Variants in ZNF568 observed in about 807,000 individuals in gnomAD.
ZNF568 encodes p53 inhibitor of SCO2 activation.
A neutral mutation model predicts 18.1 loss-of-function variants in ZNF568; 11 were observed. The ratio of observed to expected loss-of-function variants is 0.61; its 90% CI spans 0.38 to 1.00. The LOEUF (loss-of-function observed/expected upper bound fraction) is 1.00, where lower values mean the gene tolerates loss of function less well. Ranked by LOEUF, ZNF568 falls within the 50% of genes least tolerant of loss-of-function variation. The probability of loss-of-function intolerance (pLI) is 0.01; values close to 1 mark genes in which losing one functional copy is unlikely to be tolerated. For synonymous variants in ZNF568, 213 were observed against 246.6 expected (o/e 0.86, Z 1.28); for missense variants, 639 against 768.2 (o/e 0.83, Z 1.99).
At chr19:36,938,189 T>G (rs1228554767) in intron 6 of ZNF568, among the ~76,000 whole-genome samples, 1 of 152,214 alleles carries the variant, frequency 6.6e-6, no homozygotes, top group Non-Finnish European at 1.5e-5. Flanking sequence ...GATTTTCATA[T>G]CTACTTCTGT....
rs747610834 is a variant in ZNF568 at position 36,949,833 on chromosome 19, G to A, written c.680G>A (p.Cys227Tyr). The A allele has an allele frequency of 7.4e-6, 12 of 1,613,982 alleles. No individual in the cohort carries two copies. The highest frequency in any genetic ancestry group is 5.0e-5 in the Admixed American group (3 of 60,008). The change falls in exon 7 of 7, where the codon TGT becomes TAT. Residue 227 changes from cysteine (C) to tyrosine (Y), a missense_variant. Physicochemically the swap from Cys to Tyr is radical, Grantham distance 194. Coordinates refer to ENST00000333987, the MANE Select transcript of ZNF568 (RefSeq NM_198539.4). ...YVVTPFKCNQCGQDFSHKFDL... is the reference protein window; with the variant it reads ...YVVTPFKCNQYGQDFSHKFDL... Reference sequence around the variant, plus strand: ...GTAACCCCCTTTAAGTGTAATCAGTGTGGACAAGACTTCAGTCATAAATTT... The same window carrying A: ...GTAACCCCCTTTAAGTGTAATCAGTATGGACAAGACTTCAGTCATAAATTT...
At chr19:36,981,774 T>C (rs918304397), downstream of ZNF568, among the ~76,000 whole-genome samples, 1 of 151,950 alleles carries the variant, frequency 6.6e-6, no homozygotes, top group Admixed American at 6.6e-5. Context: ...CTTGGTAGGC[T>C]GAGGTAGGAG....
intron 4 of ZNF568, among the ~76,000 whole-genome samples, chr19:36,930,434 C>T (rs1319073653): frequency 1.3e-5 from 2 of 152,074 alleles, no homozygotes; most frequent in African/African-American, 2.4e-5. Flanking sequence ...TGGTCTCGAT[C>T]TCCTGACCTC....
In ZNF568 at chr19:36,950,707, T is replaced by C; in HGVS notation, c.1554T>C (p.Thr518=). 1 of 1,613,848 alleles carries C rather than the reference T, an allele frequency of 6.2e-7. No homozygotes were observed. The highest frequency in any genetic ancestry group is 8.5e-7 in the Non-Finnish European group (1 of 1,179,956). Residue 518 remains threonine, a synonymous_variant, in exon 7 of 7, where the codon ACT becomes ACC. Coordinates refer to ENST00000333987, the MANE Select transcript of ZNF568 (RefSeq NM_198539.4). ...GKAFSQKSNL[T]EHEKIHTGEK... The stretch of plus-strand genomic sequence containing the variant: ...CCTTTAGTCAGAAATCAAACCTCAC[T>C]GAACATGAGAAAATTCATACTGGAG...
At chr19:36,990,539 T>C (rs1355640508) in intron 2 of ZNF568, among the ~76,000 whole-genome samples, 1 of 152,168 alleles carries the variant, frequency 6.6e-6, no homozygotes, top group Non-Finnish European at 1.5e-5. Flanking sequence ...CGCTTGAACC[T>C]GGGAGACAGA....
At chr19:36,927,895 ATATATATATTTTTTTTTTTT>A (rs2073603123) in intron 4 of ZNF568, among the ~76,000 whole-genome samples, 16 of 25,754 alleles carry the variant, frequency 6.2e-4, no homozygotes, top group Admixed American at 1.0e-3. Flanking sequence ...TATTATATAT[ATATATATATTTTTTTTTTTT>A]TTTTTTTTTT....
chr19:36,927,882 ATATATTATATATATATATATATTTTTT>A (rs2073593228), intron 4 of ZNF568, among the ~76,000 whole-genome samples: 3 of 52,978 alleles, frequency 5.7e-5, no homozygotes, highest in South Asian at 7.1e-4. Context: ...ATATATATAT[ATATATTATATATATATATATATTTTTT>A]TTTTTTTTTT....
downstream of ZNF568, among the ~76,000 whole-genome samples, chr19:36,954,626 A>G (rs2074093540): frequency 6.6e-6 from 1 of 151,508 alleles, no homozygotes; most frequent in Non-Finnish European, 1.5e-5. Flanking sequence ...CTGCAGAGCA[A>G]TGGCGTGATC....
downstream of ZNF568, chr19:36,997,282 G>A (rs1261514973): frequency 1.2e-6 from 2 of 1,602,396 alleles, no homozygotes; most frequent in Non-Finnish European, 1.7e-6. Context: ...TGTCCATACT[G>A]GGGAGAAACC....
intron 4 of ZNF568, chr19:36,991,958 A>C (rs2074428545): frequency 2.6e-6 from 2 of 773,048 alleles, no homozygotes; most frequent in Non-Finnish European, 3.9e-6. Context: ...AAAAGGCTTG[A>C]GATCTGGGGA....
downstream of ZNF568, among the ~76,000 whole-genome samples, chr19:36,957,027 G>A (rs553372646): frequency 6.6e-6 from 1 of 152,060 alleles, no homozygotes; most frequent in South Asian, 2.1e-4. Flanking sequence ...GAGCGTCATT[G>A]TTACACAACT....
intron 7 of ZNF568, chr19:36,974,519 T>C: frequency 3.4e-6 from 5 of 1,477,900 alleles, no homozygotes; most frequent in Admixed American, 2.0e-5. Context: ...TTCAGGACAG[T>C]GTCCTATTTC....
intron 2 of ZNF568, among the ~76,000 whole-genome samples, chr19:36,920,932 A>T (rs1275834263): frequency 6.6e-6 from 1 of 151,682 alleles, no homozygotes; most frequent in Non-Finnish European, 1.5e-5. Context: ...ACAAACACCT[A>T]CCTTTGTATT....
At chr19:36,981,655 A>C (rs1233587592), downstream of ZNF568, among the ~76,000 whole-genome samples, 2 of 152,166 alleles carry the variant, frequency 1.3e-5, no homozygotes, top group Non-Finnish European at 2.9e-5. Flanking sequence ...CAGGCGAATC[A>C]CTTAAGCCCA....
At chr19:36,930,213 C>CTTTT (rs35298028) in intron 4 of ZNF568, among the ~76,000 whole-genome samples, 3 of 142,312 alleles carry the variant, frequency 2.1e-5, no homozygotes, top group Non-Finnish European at 3.1e-5. Flanking sequence ...GATGCAATTT[C>CTTTT]TTTTTTTTTT....
At chr19:36,996,626 A>G in exon 5 of ZNF568, 2 of 1,535,580 alleles carry the variant, frequency 1.3e-6, no homozygotes, top group Non-Finnish European at 8.7e-7. Flanking sequence ...AAGGAAAAAG[A>G]ACCTGAATGT....
intron 4 of ZNF568, among the ~76,000 whole-genome samples, chr19:36,934,744 C>CA (rs892470547): frequency 2.0e-5 from 3 of 152,052 alleles, no homozygotes; most frequent in Admixed American, 6.5e-5. Flanking sequence ...TGGTATGTTG[C>CA]ACCCTCATTT....
downstream of ZNF568, among the ~76,000 whole-genome samples, chr19:36,983,937 C>T (rs1459418709): frequency 7.7e-6 from 1 of 130,446 alleles, no homozygotes; most frequent in African/African-American, 2.9e-5. Context: ...CTCGCTCTGT[C>T]GCCCAGGCTG....
intron 7 of ZNF568, among the ~76,000 whole-genome samples, chr19:36,974,848 A>C (rs1360210102): frequency 1.0e-5 from 1 of 98,598 alleles, no homozygotes; most frequent in Non-Finnish European, 2.1e-5. Flanking sequence ...TTTTTTTGAG[A>C]CAGAGTCTCG....
Sources: gnomAD v4.1 joint callset for allele counts (sites outside exome capture counted in the v4.1 genomes callset) on GRCh38, gnomAD v4.1.1 for gene constraint, MANE v1.5 for transcripts, NCBI Gene and HGNC (gene_info 2026-07-23, HGNC 2026-07-21) for gene names.